PIK3C2B: variants seen among roughly 807,000 people sequenced by gnomAD.
PIK3C2B encodes the protein phosphatidylinositol-4-phosphate 3-kinase catalytic subunit type 2 beta.
A neutral mutation model predicts 184.3 loss-of-function variants in PIK3C2B; 83 were observed. The ratio of observed to expected loss-of-function variants is 0.45; its 90% confidence interval spans 0.38 to 0.54. PIK3C2B has a LOEUF of 0.54. Among genes scored for constraint, PIK3C2B ranks in the 20% least tolerant of loss-of-function variants. The probability of loss-of-function intolerance (pLI) is 0.00; values close to 1 mark genes in which losing one functional copy is unlikely to be tolerated. For missense variants in PIK3C2B, 1,736 were observed against 2,113.5 expected, an observed-to-expected ratio of 0.82 and a Z score of 3.50; for synonymous variants, 779 against 837.6, an observed-to-expected ratio of 0.93 and a Z score of 1.21.
intron 1 of PIK3C2B, among the ~76,000 whole-genome samples, chr1:204,493,084 G>C (rs1658114186): frequency 6.6e-6 from 1 of 152,168 alleles, no homozygotes; most frequent in Non-Finnish European, 1.5e-5. Context: ...GTTGGGGAGA[G>C]GGAAGTATTT....
chr1:204,456,140 T>A, intron 10 of PIK3C2B, 89 bp from the exon 11 acceptor site: 3 of 1,047,142 alleles, frequency 2.9e-6, no homozygotes, highest in Non-Finnish European at 4.1e-6. Context: ...TGGGATGGCC[T>A]AAGACAGTGG....
At chr1:204,489,693 G>A (rs940627345) in intron 1 of PIK3C2B, 2 of 382,660 alleles carry the variant, frequency 5.2e-6, no homozygotes, top group Non-Finnish European at 9.2e-6. Context: ...GTCAGGAATG[G>A]GACAAACACT....
chr1:204,470,417 C>T (rs1166936779), intron 1 of PIK3C2B, among the ~76,000 whole-genome samples: 1 of 152,222 alleles, frequency 6.6e-6, no homozygotes, highest in African/African-American at 2.4e-5. Flanking sequence ...ATCCACCCGC[C>T]TAGGCCTCCC....
intron 1 of PIK3C2B, among the ~76,000 whole-genome samples, chr1:204,486,775 C>A (rs543637023): frequency 1.3e-5 from 2 of 152,282 alleles, no homozygotes; most frequent in South Asian, 2.1e-4. Flanking sequence ...GTTACCAACA[C>A]AACTTTTAAG....
chr1:204,460,449 C>T, intron 6 of PIK3C2B, 46 bp from the exon 7 acceptor site: 1 of 1,550,020 alleles, frequency 6.5e-7, no homozygotes, highest in Non-Finnish European at 8.9e-7. Context: ...GCCCTTATCT[C>T]AGCTCAGCAC....
intron 23 of PIK3C2B, among the ~76,000 whole-genome samples, chr1:204,437,587 A>C (rs1460356619): frequency 6.6e-6 from 1 of 152,202 alleles, no homozygotes; most frequent in Non-Finnish European, 1.5e-5. Context: ...CAGGGGACCG[A>C]CAGCAAAGAG....
chr1:204,425,112 G>A, intron 32 of PIK3C2B, 72 bp from the exon 33 acceptor site: 2 of 1,302,986 alleles, frequency 1.5e-6, no homozygotes, highest in South Asian at 2.7e-5. Context: ...AACCCGAGAG[G>A]GAGATGGTAA....
At chr1:204,425,172 C>T in intron 32 of PIK3C2B, 132 bp from the exon 33 acceptor site, 1 of 671,380 alleles carries the variant, frequency 1.5e-6, no homozygotes, top group Non-Finnish European at 2.6e-6. Context: ...CCTGCAGAGT[C>T]CCAGGTAATA....
intron 4 of PIK3C2B, 76 bp from the exon 5 acceptor site, chr1:204,464,208 C>A: frequency 6.5e-7 from 1 of 1,529,970 alleles, no homozygotes. Flanking sequence ...CACCCTGATC[C>A]CCCTTTCCAG....
Position 204,469,688 on chromosome 1 carries a change from G to C in PIK3C2B, c.115C>G (p.Arg39Gly), listed in dbSNP as rs182252171. The C allele has an allele frequency of 1.9e-6, 3 of 1,613,888 alleles. No homozygotes were observed. The highest frequency in any genetic ancestry group is 2.5e-6 in the Non-Finnish European group (3 of 1,179,980). Reference protein sequence around the residue: ...ALQMEYDALSRLRHDKEENRA... With the variant: ...ALQMEYDALSGLRHDKEENRA... ...TTCTCCTCCTTGTCATGCCGGAGCC[G>C]GGACAGGGCATCATACTCCATCTGC... Residue 39 changes from arginine (R) to glycine (G), a missense_variant, in exon 2 of 33, where the codon CGG becomes GGG. Transcript: ENST00000684373.
Position 204,455,839 on chromosome 1 carries a change from C to T in PIK3C2B, c.1943+17G>A. Reference sequence around the variant, plus strand: ...AACTCAGCTTGCTCCCTAGCGGCTACTCAGCCCTGGGCTCACCTGGTAGCC... The same window carrying T: ...AACTCAGCTTGCTCCCTAGCGGCTATTCAGCCCTGGGCTCACCTGGTAGCC... On this transcript the variant is annotated intron_variant, in intron 11 of 32. Coordinates refer to ENST00000684373, the MANE Select transcript of PIK3C2B (RefSeq NM_001377334.1). The T allele has an allele frequency of 6.3e-7, 1 of 1,594,180 alleles. No homozygotes were observed. The highest frequency in any genetic ancestry group is 1.1e-5 in the South Asian group (1 of 88,496).
intron 19 of PIK3C2B, 49 bp from the exon 20 acceptor site, chr1:204,442,682 C>T: frequency 2.3e-6 from 3 of 1,299,760 alleles, no homozygotes; most frequent in African/African-American, 2.9e-5. Context: ...AGGGTCCATA[C>T]TGAGAACCAG....
chr1:204,491,324 G>A (rs966258083), intron 1 of PIK3C2B, among the ~76,000 whole-genome samples: 1 of 151,996 alleles, frequency 6.6e-6, no homozygotes, highest in Non-Finnish European at 1.5e-5. Flanking sequence ...GGGAGACGGA[G>A]GTTGCAGGGA....
chr1:204,448,547 A>C (rs1314470545), intron 14 of PIK3C2B, among the ~76,000 whole-genome samples: 1 of 149,028 alleles, frequency 6.7e-6, no homozygotes. Context: ...CTGAAGTGGG[A>C]GGATGATTTG....
intron 24 of PIK3C2B, 138 bp from the exon 25 acceptor site, chr1:204,434,087 G>T (rs1675216217): frequency 1.5e-6 from 1 of 688,316 alleles, no homozygotes; most frequent in Non-Finnish European, 2.5e-6. Flanking sequence ...TTTTTTCTTT[G>T]TTCCTTTCCT....
intron 8 of PIK3C2B, among the ~76,000 whole-genome samples, chr1:204,459,038 A>T (rs1392285581): frequency 1.3e-5 from 2 of 152,042 alleles, no homozygotes; most frequent in Admixed American, 1.3e-4. Flanking sequence ...TTTTTGAGAT[A>T]GGGTCTCACT....
intron 1 of PIK3C2B, among the ~76,000 whole-genome samples, chr1:204,480,127 C>T (rs1657012715): frequency 1.3e-5 from 2 of 152,198 alleles, no homozygotes; most frequent in African/African-American, 2.4e-5. Flanking sequence ...GGATGTACGT[C>T]GGGGTAACTG....
chr1:204,452,768 C>T (rs968191842), intron 12 of PIK3C2B, among the ~76,000 whole-genome samples: 4 of 151,232 alleles, frequency 2.6e-5, no homozygotes, highest in Non-Finnish European at 5.9e-5. Context: ...GACTCTCCCA[C>T]CTCAGCCTCT....
intron 2 of PIK3C2B, chr1:204,466,719 A>G (rs1294973053): frequency 6.8e-6 from 3 of 441,230 alleles, no homozygotes; most frequent in Non-Finnish European, 1.4e-5. Flanking sequence ...GGCCACTCTC[A>G]TGTCCTTTCT....
Sources: gnomAD v4.1 joint callset for allele counts (sites outside exome capture counted in the v4.1 genomes callset) on GRCh38, gnomAD v4.1.1 for gene constraint, MANE v1.5 for transcripts, NCBI Gene and HGNC (gene_info 2026-07-23, HGNC 2026-07-21) for gene names.